RALYL: variants seen among roughly 807,000 people sequenced by gnomAD.
RALYL encodes RALY RNA binding protein like.
In RALYL, 29 loss-of-function variants were observed where a neutral mutation model predicts 35.1. That is an observed-to-expected ratio of 0.83 (90% CI 0.61 to 1.13). The LOEUF (loss-of-function observed/expected upper bound fraction) is 1.13. Among genes scored for constraint, RALYL ranks in the 50% most tolerant of loss-of-function variants. The pLI is 0.00. For synonymous variants in RALYL, 120 were observed against 127.6 expected, an observed-to-expected ratio of 0.94 and a Z score of 0.40; for missense variants, 359 against 360.4, an observed-to-expected ratio of 1.00 and a Z score of 0.03.
chr8:84,588,642 C>T (rs1033350407), intron 2 of RALYL, among the ~76,000 whole-genome samples: 2 of 152,076 alleles, frequency 1.3e-5, no homozygotes, highest in African/African-American at 4.8e-5. Context: ...TTGATGTCTA[C>T]CTGAAATTCC....
At chr8:84,339,713 C>T (rs1395985364) in intron 1 of RALYL, among the ~76,000 whole-genome samples, 1 of 151,886 alleles carries the variant, frequency 6.6e-6, no homozygotes, top group African/African-American at 2.4e-5. Context: ...GACTGCTGGA[C>T]TCGAAAACAT....
intron 1 of RALYL, among the ~76,000 whole-genome samples, chr8:84,330,853 A>G (rs1846673854): frequency 6.6e-6 from 1 of 152,114 alleles, no homozygotes; most frequent in South Asian, 2.1e-4. Flanking sequence ...AGAAAATAGC[A>G]TGAGCAAGGG....
intron 4 of RALYL, among the ~76,000 whole-genome samples, chr8:84,831,749 G>A (rs953310955): frequency 6.6e-6 from 1 of 151,940 alleles, no homozygotes; most frequent in African/African-American, 2.4e-5. Flanking sequence ...CATGATTTAG[G>A]GATAAAAATT....
intron 2 of RALYL, among the ~76,000 whole-genome samples, chr8:84,672,124 A>C (rs1258404463): frequency 1.3e-5 from 2 of 152,112 alleles, no homozygotes; most frequent in Non-Finnish European, 2.9e-5. Context: ...AATACCCTAA[A>C]TCATCTCTCT....
chr8:84,364,544 A>G (rs112394798), intron 1 of RALYL, among the ~76,000 whole-genome samples: 1 of 25,980 alleles, frequency 3.8e-5, no homozygotes, highest in Non-Finnish European at 6.9e-5. Flanking sequence ...ATAAAATATA[A>G]AAAGTTTAAT....
At chr8:84,726,800 C>A (rs538149667) in intron 2 of RALYL, among the ~76,000 whole-genome samples, 517 of 152,018 alleles carry the variant, frequency 3.4e-3, no homozygotes, top group African/African-American at 0.012. Flanking sequence ...ACTTAGCAAA[C>A]ATTTATTCAA....
chr8:84,702,395 T>C (rs1275222463), intron 2 of RALYL, among the ~76,000 whole-genome samples: 1 of 152,186 alleles, frequency 6.6e-6, no homozygotes, highest in Non-Finnish European at 1.5e-5. Flanking sequence ...GCTGTGTCCC[T>C]GACCATTACC....
chr8:84,428,104 T>TCACACACACACACA (rs769786577), intron 1 of RALYL, among the ~76,000 whole-genome samples: 1 of 131,758 alleles, frequency 7.6e-6, no homozygotes, highest in African/African-American at 3.0e-5. Flanking sequence ...TCTCTCTCTC[T>TCACACACACACACA]CTCACACACA....
intron 2 of RALYL, among the ~76,000 whole-genome samples, chr8:84,572,692 G>T (rs1808305105): frequency 6.6e-6 from 1 of 151,730 alleles, no homozygotes; most frequent in Non-Finnish European, 1.5e-5. Context: ...TGATTTTGAT[G>T]CACGTTAGAA....
intron 2 of RALYL, among the ~76,000 whole-genome samples, chr8:84,766,853 A>T (rs369236591): frequency 1.3e-5 from 2 of 152,102 alleles, no homozygotes; most frequent in East Asian, 3.9e-4. Context: ...GGTCTGTATA[A>T]ATTTAATTAA....
At chr8:84,387,537 G>C (rs1403134808) in intron 1 of RALYL, among the ~76,000 whole-genome samples, 1 of 151,876 alleles carries the variant, frequency 6.6e-6, no homozygotes, top group Non-Finnish European at 1.5e-5. Context: ...CTGCATTGCA[G>C]AGTTTGTTGA....
chr8:84,489,374 G>T (rs538254812), intron 1 of RALYL, among the ~76,000 whole-genome samples: 17 of 152,102 alleles, frequency 1.1e-4, no homozygotes, highest in African/African-American at 2.9e-4. Context: ...ACATAAAAAA[G>T]AAACTTCTAG....
chr8:84,368,579 C>A (rs1287575132), intron 1 of RALYL, among the ~76,000 whole-genome samples: 3 of 152,122 alleles, frequency 2.0e-5, no homozygotes, highest in Non-Finnish European at 2.9e-5. Context: ...GGAGGCCTCA[C>A]AATCATGGTG....
intron 1 of RALYL, among the ~76,000 whole-genome samples, chr8:84,350,555 A>G (rs1239244191): frequency 6.7e-6 from 1 of 150,264 alleles, no homozygotes; most frequent in Non-Finnish European, 1.5e-5. Context: ...TAAGCAACTA[A>G]GTAAATTAGT....
intron 2 of RALYL, among the ~76,000 whole-genome samples, chr8:84,626,314 C>A (rs544871899): frequency 5.9e-5 from 9 of 152,246 alleles, no homozygotes; most frequent in African/African-American, 1.9e-4. Flanking sequence ...GCGAATTCCG[C>A]CCAAGCTTTA....
chr8:84,537,118 T>C (rs981397933), intron 2 of RALYL, among the ~76,000 whole-genome samples: 21 of 148,768 alleles, frequency 1.4e-4, no homozygotes, highest in Non-Finnish European at 3.0e-4. Flanking sequence ...TACGTGCACA[T>C]GTACCCTAGA....
chr8:84,399,422 C>T (rs2042674988), intron 1 of RALYL, among the ~76,000 whole-genome samples: 2 of 152,138 alleles, frequency 1.3e-5, no homozygotes, highest in Admixed American at 6.5e-5. Context: ...TGTACAGGAA[C>T]ATAGATTTAT....
intron 1 of RALYL, among the ~76,000 whole-genome samples, chr8:84,239,803 A>T (rs1432703623): frequency 6.6e-6 from 1 of 152,184 alleles, no homozygotes; most frequent in Non-Finnish European, 1.5e-5. Context: ...AAGCAGGAGA[A>T]TCGCTGGAAT....
intron 2 of RALYL, among the ~76,000 whole-genome samples, chr8:84,652,109 T>A (rs181936834): frequency 3.9e-5 from 6 of 152,170 alleles, no homozygotes; most frequent in Non-Finnish European, 5.9e-5. Flanking sequence ...TGTAAGACAC[T>A]TTGCTGTCAA....
Sources: gnomAD v4.1 joint callset for allele counts (sites outside exome capture counted in the v4.1 genomes callset) on GRCh38, gnomAD v4.1.1 for gene constraint, MANE v1.5 for transcripts, NCBI Gene and HGNC (gene_info 2026-07-23, HGNC 2026-07-21) for gene names.